XPO4: variants seen among roughly 807,000 people sequenced by gnomAD.
XPO4 encodes the protein exportin-4.
A neutral mutation model predicts 143.0 loss-of-function variants in XPO4; 39 were observed. That is an observed-to-expected ratio of 0.27 (90% CI 0.21 to 0.36). The LOEUF is 0.36. Among genes scored for constraint, XPO4 ranks in the 10% least tolerant of loss-of-function variants. The pLI, the probability that XPO4 is intolerant of heterozygous loss-of-function variation, is 1.00. For synonymous variants in XPO4, 439 were observed against 474.0 expected (o/e 0.93, Z 0.96); for missense variants, 907 against 1,348.0 (o/e 0.67, Z 5.12).
intron 1 of XPO4, chr13:20,902,250 C>T: frequency 1.0e-6 from 1 of 985,406 alleles, no homozygotes; most frequent in Non-Finnish European, 1.2e-6. Context: ...AGCACCCAGG[C>T]TGTGCCATCC....
chr13:20,879,286 G>A (rs148627631), intron 1 of XPO4: 867 of 985,340 alleles, frequency 8.8e-4, no homozygotes, highest in Non-Finnish European at 1.0e-3. Flanking sequence ...AAAACAAACC[G>A]GAAGGAGGGG....
intron 1 of XPO4, among the ~76,000 whole-genome samples, chr13:20,882,464 G>A (rs2060421610): frequency 6.6e-6 from 1 of 152,052 alleles, no homozygotes. Flanking sequence ...CTCAGAGGGA[G>A]GCACCATGCC....
chr13:20,788,421 TTTTC>T (rs2059235749), intron 20 of XPO4, 61 bp downstream of exon 20: 1 of 1,554,394 alleles, frequency 6.4e-7, no homozygotes, highest in African/African-American at 1.4e-5. Flanking sequence ...CTTAAAAAAC[TTTTC>T]TTTAAAGGAA....
At position 20,807,610 on chromosome 13, in the gene XPO4, T is replaced by C; in HGVS notation, c.1664A>G (p.Gln555Arg). ...VTGYLLADDT[Q>R]GETPLIPPEI... The stretch of plus-strand genomic sequence containing the variant: ...TGGAGGTATTAGCGGAGTCTCTCCC[T>C]GAGTATCATCAGCTAAGAGGTAGCC... The change falls in exon 13 of 23, where the codon CAG becomes CGG. Residue 555 changes from glutamine (Q) to arginine (R), a missense_variant. Transcript: ENST00000255305. The C allele has an allele frequency of 6.2e-7, 1 of 1,605,938 alleles. No individual in the cohort carries two copies. Among genetic ancestry groups the C allele is most frequent in the Non-Finnish European group, 8.5e-7 (1 of 1,177,902 alleles).
At position 20,800,313 on chromosome 13, in the gene XPO4, A is replaced by G. The variant is rs1237293312; in HGVS notation, c.1990T>C (p.Phe664Leu). The G allele has an allele frequency of 6.2e-7, 1 of 1,613,114 alleles. No homozygotes were observed. Among genetic ancestry groups the G allele is most frequent in the African/African-American group, 1.3e-5 (1 of 75,002 alleles). The change falls in exon 15 of 23, where the codon TTC becomes CTC. Residue 664 changes from phenylalanine (F) to leucine (L), a missense_variant. By Grantham distance (22) the Phe-to-Leu change is conservative. Coordinates refer to ENST00000255305, the MANE Select transcript of XPO4 (RefSeq NM_022459.5). ...GTATCTGCTCCGAACGCTGTACTGA[A>G]TGGCAGACTTATCTTAAGAGAGGAA... ...EKLYDQISLP[F>L]STAFGADTEG...
chr13:20,902,630 G>C (rs762170665), intron 1 of XPO4, 40 bp downstream of exon 1: 2 of 1,521,218 alleles, frequency 1.3e-6, no homozygotes, highest in Non-Finnish European at 1.8e-6. Flanking sequence ...CCGACCGGGG[G>C]CCCGCGAATC....
chr13:20,888,387 C>T (rs1443878695), intron 1 of XPO4, among the ~76,000 whole-genome samples: 1 of 152,102 alleles, frequency 6.6e-6, no homozygotes, highest in Non-Finnish European at 1.5e-5. Context: ...TGTTCTGTCA[C>T]CTAGGCTGGA....
intron 4 of XPO4, among the ~76,000 whole-genome samples, chr13:20,845,716 AT>A (rs1329237646): frequency 6.6e-6 from 1 of 152,244 alleles, no homozygotes; most frequent in Admixed American, 6.5e-5. Flanking sequence ...AGCAATTAAC[AT>A]TAGACAGATA....
rs1261688339 is a variant in XPO4 at position 20,800,474 on chromosome 13, CAA to C, written c.1978-151_1978-150del. On this transcript the variant is annotated intron_variant, in intron 14 of 22. Transcript: ENST00000255305. ...TACACATGTACTCATTTCCACTGGT[CAA>C]AAAAAAAGACATCCTCAATCCACTC... The C allele has an allele frequency of 8.2e-6, 6 of 728,966 alleles. No individual in the cohort carries two copies. The South Asian group carries it at 1.1e-4, about 14-fold the overall frequency. 45.2% of individuals were successfully genotyped at this position (728,966 alleles called of 1,614,324 possible).
At chr13:20,866,010 C>G (rs2060241871) in intron 2 of XPO4, 3 of 982,926 alleles carry the variant, frequency 3.1e-6, no homozygotes, top group Non-Finnish European at 3.6e-6. Flanking sequence ...ATCCATTTCT[C>G]CCTGAGAAAG....
intron 3 of XPO4, among the ~76,000 whole-genome samples, chr13:20,858,282 A>G (rs1378418612): frequency 6.6e-6 from 1 of 152,230 alleles, no homozygotes; most frequent in Non-Finnish European, 1.5e-5. Context: ...ACAATTGGGA[A>G]ACTCAGAATA....
At position 20,783,700 on chromosome 13, in the gene XPO4, A is replaced by G. The variant is rs1277519053; in HGVS notation, c.*22T>C. 6.2e-7 allele frequency: 1 copy of G among 1,612,414 alleles called. No homozygotes were observed. Among genetic ancestry groups the G allele is most frequent in the South Asian group, 1.1e-5 (1 of 91,068 alleles). The stretch of plus-strand genomic sequence containing the variant: ...AGTGCACTTTGCAGAAAGGATCTAA[A>G]TTAAGCATAAAGTTCTGTTGTTTAT... On this transcript the variant is annotated 3_prime_UTR_variant, in exon 23 of 23. Transcript: ENST00000255305.
chr13:20,878,062 T>C (rs576446998), intron 1 of XPO4, among the ~76,000 whole-genome samples: 2 of 152,252 alleles, frequency 1.3e-5, no homozygotes, highest in South Asian at 4.1e-4. Context: ...CCAGTCGTGG[T>C]AGCACGCACC....
intron 4 of XPO4, among the ~76,000 whole-genome samples, chr13:20,845,939 A>G (rs1458535420): frequency 3.9e-5 from 6 of 152,246 alleles, no homozygotes; most frequent in African/African-American, 1.2e-4. Flanking sequence ...ACTCTAGTCA[A>G]TAAAACATTA....
In XPO4 at chr13:20,799,200, T is replaced by C. The variant is rs767320660; in HGVS notation, c.2287A>G (p.Met763Val). ...KALVLGGFAHMDTETKQQYWT... is the reference protein window; with the variant it reads ...KALVLGGFAHVDTETKQQYWT... ...TACTGCTGTTTGGTTTCTGTGTCCA[T>C]ATGTGCAAAACCTCCTAAGACTAGA... Residue 763 changes from methionine to valine, a missense_variant, in exon 16 of 23, where the codon ATG (methionine) becomes GTG (valine). Physicochemically the swap from Met to Val is conservative, Grantham distance 21. Transcript: ENST00000255305. 5.0e-6 allele frequency: 8 copies of C among 1,611,960 alleles called. No homozygotes were observed. The highest frequency in any genetic ancestry group is 1.7e-5 in the Admixed American group (1 of 59,902).
Position 20,844,639 on chromosome 13 carries a change from G to C in XPO4, c.457-753C>G, listed in dbSNP as rs2060012004. On this transcript the variant is annotated intron_variant, in intron 4 of 22. Coordinates refer to ENST00000255305, the MANE Select transcript of XPO4 (RefSeq NM_022459.5). ...ACTATTTATGCAAGCTTATCCAACAGCTGAACACTGTCATACCCACCCACC... is the reference window on the plus strand; with the variant it reads ...ACTATTTATGCAAGCTTATCCAACACCTGAACACTGTCATACCCACCCACC... 2.6e-5 allele frequency among the ~76,000 whole-genome samples: 4 copies of C among 152,324 alleles called. No individual in the cohort carries two copies. In the South Asian group the frequency reaches 8.3e-4, roughly 32 times the overall value.
Position 20,843,066 on chromosome 13 carries a change from C to T in XPO4, c.574-18G>A, listed in dbSNP as rs1487035898. ...TCTTCTTCCTATAGTCAATAAATCA[C>T]AAATATTTTATATGAAAAATTTATT... On this transcript the variant is annotated intron_variant, in intron 5 of 22. Coordinates refer to ENST00000255305, the MANE Select transcript of XPO4 (RefSeq NM_022459.5). 1.3e-6 allele frequency: 2 copies of T among 1,573,102 alleles called. No homozygotes were observed. Among genetic ancestry groups the T allele is most frequent in the Admixed American group, 1.8e-5 (1 of 54,776 alleles).
At chr13:20,786,594 A>T (rs2059209747) in intron 22 of XPO4, among the ~76,000 whole-genome samples, 1 of 152,190 alleles carries the variant, frequency 6.6e-6, no homozygotes, top group Non-Finnish European at 1.5e-5. Flanking sequence ...GTCTGAAGGC[A>T]GACTCTTCCT....
chr13:20,849,242 T>C (rs1408583539), intron 4 of XPO4: 10 of 985,316 alleles, frequency 1.0e-5, no homozygotes, highest in Non-Finnish European at 1.2e-5. Flanking sequence ...CAGCTGCTCT[T>C]CTATGCAAAC....
Sources: gnomAD v4.1 joint callset for allele counts (sites outside exome capture counted in the v4.1 genomes callset) on GRCh38, gnomAD v4.1.1 for gene constraint, MANE v1.5 for transcripts, NCBI Gene and HGNC (gene_info 2026-07-23, HGNC 2026-07-21) for gene names.